Variants in CFAP97D1 observed in about 807,000 individuals in gnomAD.
CFAP97D1 encodes sperm axonemal maintenance protein CFAP97D1.
In CFAP97D1, 15 loss-of-function variants were observed where a neutral mutation model predicts 20.5. The ratio of observed to expected loss-of-function variants is 0.73; its 90% CI spans 0.49 to 1.13. The LOEUF (loss-of-function observed/expected upper bound fraction) is 1.13. Among genes scored for constraint, CFAP97D1 ranks in the 50% most tolerant of loss-of-function variants. The pLI, the probability that CFAP97D1 is intolerant of heterozygous loss-of-function variation, is 0.00. For missense variants in CFAP97D1, 168 were observed against 202.9 expected (o/e 0.83, Z 1.04); for synonymous variants, 58 against 71.2 (o/e 0.82, Z 0.93).
At chr17:43,782,649 G>A (rs1201470636) in intron 3 of CFAP97D1, among the ~76,000 whole-genome samples, 3 of 152,166 alleles carry the variant, frequency 2.0e-5, no homozygotes, top group African/African-American at 7.2e-5. Flanking sequence ...AGATATTTAT[G>A]GAAATAATGA....
Position 43,783,880 on chromosome 17 carries a change from C to A in CFAP97D1, c.482C>A (p.Ser161Tyr). ...AGAAATACCACGAGATATCTTCTCT[C>A]CCAAAATGAATAGGTATGTCTCTCT... The part of the protein sequence containing the change: ...YIRNTTRYLL[S>Y]QNE Residue 161 changes from serine to tyrosine, a missense_variant, in exon 5 of 6, where the codon TCC (serine) becomes TAC (tyrosine). Transcript: ENST00000449302. The A allele has an allele frequency of 1.3e-6, 2 of 1,549,858 alleles. No homozygotes were observed. The highest frequency in any genetic ancestry group is 1.7e-6 in the Non-Finnish European group (2 of 1,146,122).
Position 43,783,903 on chromosome 17 carries a change from T to C in CFAP97D1, c.*10T>C. 1 of 1,543,646 alleles carries C rather than the reference T, an allele frequency of 6.5e-7. No homozygotes were observed. The highest frequency in any genetic ancestry group is 8.8e-7 in the Non-Finnish European group (1 of 1,140,460). Reference sequence around the variant, plus strand: ...CTCCCAAAATGAATAGGTATGTCTCTCTTACTATCAAACACTGTGACCACA... The same window carrying C: ...CTCCCAAAATGAATAGGTATGTCTCCCTTACTATCAAACACTGTGACCACA... On this transcript the variant is annotated intron_variant, in intron 5 of 5. Transcript: ENST00000449302.
At position 43,783,323 on chromosome 17, in the gene CFAP97D1, A is replaced by G. The variant is rs756069083; in HGVS notation, c.438+20A>G. The G allele has an allele frequency of 1.3e-6, 2 of 1,550,850 alleles. No individual in the cohort carries two copies. The highest frequency in any genetic ancestry group is 1.7e-6 in the Non-Finnish European group (2 of 1,146,762). On this transcript the variant is annotated intron_variant, in intron 4 of 5. Coordinates refer to ENST00000449302, the MANE Select transcript of CFAP97D1 (RefSeq NM_001136483.3). ...TGGCAGGCACGTGGGCACTCATGTT[A>G]TACTCCCAGACACACACAGAGTTTG...
Position 43,783,181 on chromosome 17 carries a change from T to C in CFAP97D1, c.316T>C (p.Leu106=). ...ATTTCGGGGTTTTGTGTTTTTCAGC[T>C]TAAACAGAGAAACAAGGAACCGCGA... ...DCWNEYFSKS[L]NRETRNRELV... The change falls in exon 4 of 6, where the codon TTA becomes CTA. Residue 106 remains leucine (L), a splice_region_variant and synonymous_variant. Coordinates refer to ENST00000449302, the MANE Select transcript of CFAP97D1 (RefSeq NM_001136483.3). The C allele has an allele frequency of 6.4e-7, 1 of 1,551,564 alleles. No individual in the cohort carries two copies. The highest frequency in any genetic ancestry group is 1.4e-5 in the African/African-American group (1 of 73,126).
intron 3 of CFAP97D1, among the ~76,000 whole-genome samples, chr17:43,782,477 C>CATCT (rs1974485022): frequency 6.6e-6 from 1 of 152,126 alleles, no homozygotes; most frequent in South Asian, 2.1e-4. Flanking sequence ...GGGACACAGG[C>CATCT]ATCTGTTCCA....
chr17:43,781,206 C>A lies in CFAP97D1; in HGVS notation c.195+17C>A. 1 of 1,539,798 alleles carries A rather than the reference C, an allele frequency of 6.5e-7. No homozygotes were observed. The highest frequency in any genetic ancestry group is 8.8e-7 in the Non-Finnish European group (1 of 1,136,626). ...AAACTACAGGTATTTGTTCTTGCTG[C>A]TTGCAGATGTGCAGATGTATTTTAT... On this transcript the variant is annotated intron_variant, in intron 2 of 5. Coordinates refer to ENST00000449302, the MANE Select transcript of CFAP97D1 (RefSeq NM_001136483.3).
rs915280320 is a variant in CFAP97D1 at position 43,787,461 on chromosome 17, C to G, written c.*3079C>G. 1.3e-5 allele frequency: 2 copies of G among 152,088 alleles called. No homozygotes were observed. The highest frequency in any genetic ancestry group is 4.8e-5 in the African/African-American group (2 of 41,376). 9.4% of individuals were successfully genotyped at this position (152,088 alleles called of 1,614,324 possible). On this transcript the variant is annotated 3_prime_UTR_variant, in exon 6 of 6. Transcript: ENST00000449302. ...ATGATGAAACTGTTCTATATCTTGA[C>G]TCTATCAATGTCAATATCCTTGTTG...
In CFAP97D1 at chr17:43,783,267, C is replaced by T; in HGVS notation, c.402C>T (p.Pro134=). The stretch of plus-strand genomic sequence containing the variant: ...TGAAGAGGCTTGTTGATCGCAAACC[C>T]CACTATGACCGCAGGGCATCTGAGA... ...GILKRLVDRK[P]HYDRRASEID... is the part of the protein sequence containing the mutation. Residue 134 remains proline (P), a synonymous_variant, in exon 4 of 6, where the codon CCC becomes CCT. Coordinates refer to ENST00000449302, the MANE Select transcript of CFAP97D1 (RefSeq NM_001136483.3). The T allele has an allele frequency of 6.4e-7, 1 of 1,551,322 alleles. No homozygotes were observed. The highest frequency in any genetic ancestry group is 8.7e-7 in the Non-Finnish European group (1 of 1,146,824).
In CFAP97D1 at chr17:43,783,312, G is replaced by C; in HGVS notation, c.438+9G>C. 6.4e-7 allele frequency: 1 copy of C among 1,551,032 alleles called. No homozygotes were observed. The highest frequency in any genetic ancestry group is 8.7e-7 in the Non-Finnish European group (1 of 1,146,798). ...CTGAGATAGACTGGCAGGCACGTGG[G>C]CACTCATGTTATACTCCCAGACACA... On this transcript the variant is annotated intron_variant, in intron 4 of 5. Transcript: ENST00000449302.
At chr17:43,782,005 G>A in intron 3 of CFAP97D1, 113 bp downstream of exon 3, 1 of 710,812 alleles carries the variant, frequency 1.4e-6, no homozygotes, top group Non-Finnish European at 2.5e-6. Flanking sequence ...GTTATCTTGA[G>A]GGAGAACCAA....
chr17:43,783,685 C>T (rs1174296423), intron 4 of CFAP97D1, among the ~76,000 whole-genome samples, 152 bp from the exon 5 acceptor site: 1 of 151,646 alleles, frequency 6.6e-6, no homozygotes, highest in East Asian at 1.9e-4. Context: ...CTTAAAAAGG[C>T]CAGGGGAGGG....
rs1412914802 is a variant in CFAP97D1 at position 43,785,375 on chromosome 17, A to G, written c.*993A>G. 6.6e-6 allele frequency: 1 copy of G among 152,124 alleles called. No individual in the cohort carries two copies. The highest frequency in any genetic ancestry group is 1.5e-5 in the Non-Finnish European group (1 of 68,046). The allele number at this position is 152,124 out of a possible 1,614,324, so 9.4% of individuals were successfully genotyped here. On this transcript the variant is annotated 3_prime_UTR_variant, in exon 6 of 6. Transcript: ENST00000449302. ...CATAGTTATACGTACTTTTAATTAC[A>G]TGTAGATTAAGGGGCGGTTTGTGCA... is the stretch of plus-strand genomic sequence containing the variant.
At chr17:43,780,903 T>G (rs564624253) in intron 1 of CFAP97D1, among the ~76,000 whole-genome samples, 5 of 152,344 alleles carry the variant, frequency 3.3e-5, no homozygotes, top group South Asian at 4.1e-4. Context: ...AGAAGGACAT[T>G]TATCTCTGTA....
chr17:43,784,439 G>C lies in CFAP97D1; in HGVS notation c.*57G>C, dbSNP rs2044277934. ...GCCCTAGGATTTCTTGGCTGCTCAG[G>C]ATCTCAAGACACTCCCGACTGGCTG... On this transcript the variant is annotated 3_prime_UTR_variant, in exon 6 of 6. Transcript: ENST00000449302. 1 of 152,202 alleles carries C rather than the reference G, an allele frequency of 6.6e-6. No homozygotes were observed. Among genetic ancestry groups the C allele is most frequent in the Admixed American group, 6.6e-5 (1 of 15,262 alleles). 9.4% of individuals were successfully genotyped at this position (152,202 alleles called of 1,614,324 possible).
At chr17:43,782,700 GAGAA>G (rs991355268) in intron 3 of CFAP97D1, 2 of 158,136 alleles carry the variant, frequency 1.3e-5, no homozygotes, top group Non-Finnish European at 2.8e-5. Flanking sequence ...GCTCATGCAA[GAGAA>G]AGAATTTGCT....
intron 5 of CFAP97D1, 145 bp from the exon 6 acceptor site, chr17:43,784,238 G>T: frequency 5.0e-6 from 1 of 201,540 alleles, no homozygotes; most frequent in Non-Finnish European, 1.0e-5. Context: ...CCAGCATGTT[G>T]TCATTTTGTA....
At position 43,781,776 on chromosome 17, in the gene CFAP97D1, T is replaced by A. The variant is rs765173557; in HGVS notation, c.198T>A (p.Gly66=). 11 of 1,547,966 alleles carry A rather than the reference T, an allele frequency of 7.1e-6. No individual in the cohort carries two copies. Among genetic ancestry groups the A allele is most frequent in the African/African-American group, 1.4e-5 (1 of 72,918 alleles). The change falls in exon 3 of 6, where the codon GGT becomes GGA. Residue 66 remains glycine, a splice_region_variant and synonymous_variant. Coordinates refer to ENST00000449302, the MANE Select transcript of CFAP97D1 (RefSeq NM_001136483.3). Reference sequence around the variant, plus strand: ...GGTGAGGTGTGGTTTCTTACCAGGGTGAACAAAAGAAAATCAACAAAATCG... The same window carrying A: ...GGTGAGGTGTGGTTTCTTACCAGGGAGAACAAAAGAAAATCAACAAAATCG... The part of the protein sequence containing the change: ...NHILKLSKLQ[G]EQKKINKIEY...
rs115872287 is a variant in CFAP97D1, at chr17:43,784,282, T to C, written c.*1-101T>C. 601 of 166,450 alleles carry C rather than the reference T, an allele frequency of 3.6e-3. 4 individuals carry two copies. Among genetic ancestry groups the C allele is most frequent in the African/African-American group, 0.013 (560 of 42,026 alleles). The allele number at this position is 166,450 out of a possible 1,614,324, so 10.3% of individuals were successfully genotyped here. ...CATTATTAGTGATGACTAAGTGGTT[T>C]CCCCCACCCAAGGGAGAAAGATAAA... On this transcript the variant is annotated intron_variant, in intron 5 of 5. Transcript: ENST00000449302.
chr17:43,782,067 G>C (rs1339695924), intron 3 of CFAP97D1, among the ~76,000 whole-genome samples, 175 bp downstream of exon 3: 1 of 152,194 alleles, frequency 6.6e-6, no homozygotes, highest in East Asian at 1.9e-4. Context: ...CCTTTCTCTA[G>C]CATTAAAGAG....
Sources: gnomAD v4.1 joint callset for allele counts (sites outside exome capture counted in the v4.1 genomes callset) on GRCh38, gnomAD v4.1.1 for gene constraint, MANE v1.5 for transcripts, NCBI Gene and HGNC (gene_info 2026-07-23, HGNC 2026-07-21) for gene names.